Variants in ATP2B2 observed in about 807,000 individuals in gnomAD.
The protein encoded by ATP2B2 is ATPase plasma membrane Ca2+ transporting 2.
A neutral mutation model predicts 120.0 loss-of-function variants in ATP2B2; 15 were observed. That is an observed-to-expected ratio of 0.12 (90% confidence interval 0.08 to 0.19). The LOEUF is 0.19. Among genes scored for constraint, ATP2B2 ranks in the 10% least tolerant of loss-of-function variants. ATP2B2 has a pLI of 1.00. For missense variants in ATP2B2, 1,045 were observed against 1,719.8 expected, an observed-to-expected ratio of 0.61 and a Z score of 6.94; for synonymous variants, 694 against 700.3, an observed-to-expected ratio of 0.99 and a Z score of 0.14.
intron 1 of ATP2B2, among the ~76,000 whole-genome samples, chr3:10,620,955 C>A (rs566733413): frequency 1.6e-4 from 24 of 152,282 alleles, no homozygotes; most frequent in African/African-American, 5.8e-4. Context: ...AGGGTTCACA[C>A]CCTCAGCCCC....
Position 10,328,791 on chromosome 3 carries a change from C to T in ATP2B2, c.*23G>A, listed in dbSNP as rs754672144. 1.6e-5 allele frequency: 25 copies of T among 1,584,236 alleles called. No individual in the cohort carries two copies. Among genetic ancestry groups the T allele is most frequent in the Middle Eastern group, 1.7e-4 (1 of 5,960 alleles). ...TGGCAGCGGGGTCCATGAGGGCGGG[C>T]GGGCAGGCGAGAGGGTCCTCAGCTA... On this transcript the variant is annotated 3_prime_UTR_variant, in exon 23 of 23. Transcript: ENST00000360273.
chr3:10,506,178 C>T (rs1465891887), upstream of ATP2B2, among the ~76,000 whole-genome samples: 4 of 152,144 alleles, frequency 2.6e-5, no homozygotes, highest in Admixed American at 2.6e-4. Flanking sequence ...TTAAACACAT[C>T]TGTGTTTCCA....
chr3:10,487,581 A>G (rs1007784428), intron 1 of ATP2B2, among the ~76,000 whole-genome samples: 2 of 152,238 alleles, frequency 1.3e-5, no homozygotes, highest in Non-Finnish European at 2.9e-5. Flanking sequence ...TGTGTCCTAC[A>G]GGCAGGGACT....
At chr3:10,380,095 G>C (rs2061491144) in intron 8 of ATP2B2, among the ~76,000 whole-genome samples, 1 of 152,210 alleles carries the variant, frequency 6.6e-6, no homozygotes, top group East Asian at 1.9e-4. Context: ...ACAGCAGCAG[G>C]CTAAGTAGTG....
At chr3:10,525,674 G>GA (rs1256005494) in intron 3 of ATP2B2, among the ~76,000 whole-genome samples, 1 of 151,804 alleles carries the variant, frequency 6.6e-6, no homozygotes, top group East Asian at 1.9e-4. Context: ...ATATTATTTG[G>GA]AAAAAATAAA....
At chr3:10,528,269 C>T (rs958059726) in intron 3 of ATP2B2, among the ~76,000 whole-genome samples, 4 of 152,106 alleles carry the variant, frequency 2.6e-5, no homozygotes, top group African/African-American at 7.2e-5. Flanking sequence ...GCATCTGGCC[C>T]AACCCAAGGA....
intron 1 of ATP2B2, among the ~76,000 whole-genome samples, chr3:10,684,896 G>A (rs572551540): frequency 3.9e-4 from 60 of 152,320 alleles, no homozygotes; most frequent in African/African-American, 1.3e-3. Context: ...CTCTGCTGTC[G>A]TTAAGTTCAT....
chr3:10,551,452 G>C (rs1207222149), intron 2 of ATP2B2, among the ~76,000 whole-genome samples: 1 of 152,192 alleles, frequency 6.6e-6, no homozygotes, highest in African/African-American at 2.4e-5. Flanking sequence ...CTACTTGCAA[G>C]ATACAATCCC....
intron 2 of ATP2B2, among the ~76,000 whole-genome samples, chr3:10,547,528 A>C (rs1190189892): frequency 6.6e-6 from 1 of 152,206 alleles, no homozygotes; most frequent in Non-Finnish European, 1.5e-5. Flanking sequence ...CTCCCGCTCC[A>C]TAAGACACAG....
At chr3:10,559,027 T>C (rs927500485) in intron 2 of ATP2B2, among the ~76,000 whole-genome samples, 8 of 152,230 alleles carry the variant, frequency 5.3e-5, no homozygotes, top group African/African-American at 1.9e-4. Flanking sequence ...CTAATTTGTT[T>C]TCCAACATTT....
chr3:10,637,137 A>G (rs2125646311), intron 1 of ATP2B2, among the ~76,000 whole-genome samples: 1 of 152,336 alleles, frequency 6.6e-6, no homozygotes, highest in East Asian at 1.9e-4. Context: ...TCTAACAAGT[A>G]TTAAAAACAA....
At chr3:10,566,101 C>T (rs560325078) in intron 2 of ATP2B2, among the ~76,000 whole-genome samples, 61 of 152,278 alleles carry the variant, frequency 4.0e-4, no homozygotes, top group Middle Eastern at 3.4e-3. Context: ...GATTTCTCCA[C>T]CCACCCTCCA....
chr3:10,612,319 C>T (rs183981609), intron 2 of ATP2B2, among the ~76,000 whole-genome samples: 342 of 152,336 alleles, frequency 2.2e-3, no homozygotes, highest in Non-Finnish European at 1.7e-3. Context: ...CAACTCAGCT[C>T]AAGATTACTG....
In ATP2B2 at chr3:10,359,481, A is replaced by C. The variant is rs189435016; in HGVS notation, c.1901+401T>G. Among the ~76,000 whole-genome samples the C allele has an allele frequency of 1.3e-5, 2 of 152,044 alleles. 1 individual carries two copies. Among genetic ancestry groups the C allele is most frequent in the Non-Finnish European group, 2.9e-5 (2 of 67,972 alleles). Reference sequence around the variant, plus strand: ...TTAGTTCACCAGGCTTATTTCCAGCACTCCTCTGGAGTCAGAGGAGTGTGG... The same window carrying C: ...TTAGTTCACCAGGCTTATTTCCAGCCCTCCTCTGGAGTCAGAGGAGTGTGG... On this transcript the variant is annotated intron_variant, in intron 13 of 22. Coordinates refer to ENST00000360273, the MANE Select transcript of ATP2B2 (RefSeq NM_001001331.4).
intron 2 of ATP2B2, among the ~76,000 whole-genome samples, chr3:10,571,560 T>C (rs1200276367): frequency 5.9e-5 from 9 of 151,862 alleles, no homozygotes; most frequent in Admixed American, 5.2e-4. Context: ...CTGGCAAGAG[T>C]TGGGGGCCTA....
At chr3:10,478,031 G>A (rs943254113) in intron 1 of ATP2B2, among the ~76,000 whole-genome samples, 2 of 152,234 alleles carry the variant, frequency 1.3e-5, no homozygotes, top group East Asian at 1.9e-4. Context: ...ATTTCCCCAC[G>A]TTCTGGCCAA....
At chr3:10,441,332 C>G (rs561210503) in intron 2 of ATP2B2, among the ~76,000 whole-genome samples, 28 of 152,270 alleles carry the variant, frequency 1.8e-4, no homozygotes, top group Admixed American at 3.3e-4. Context: ...CTCTGCCTCC[C>G]GGGTTCAAGT....
At chr3:10,334,395 G>T (rs59097841) in intron 22 of ATP2B2, among the ~76,000 whole-genome samples, 2 of 152,176 alleles carry the variant, frequency 1.3e-5, no homozygotes, top group African/African-American at 4.8e-5. Context: ...CAGGATAGGT[G>T]GGGGTGCTGA....
At position 10,406,059 on chromosome 3, in the gene ATP2B2, C is replaced by T. The variant is rs35166720; in HGVS notation, c.398-3711G>A. Among the ~76,000 whole-genome samples the T allele has an allele frequency of 5.6e-3, 856 of 152,280 alleles. 5 individuals carry two copies. The highest frequency in any genetic ancestry group is 1.0e-2 in the Non-Finnish European group (678 of 68,008). On this transcript the variant is annotated intron_variant, in intron 3 of 22. Transcript: ENST00000360273. ...AACAGGCTGCAGAGTTCTGCAGCAC[C>T]CATAGCCCTGCCCCAACTGCTTTCT...
Sources: gnomAD v4.1 joint callset for allele counts (sites outside exome capture counted in the v4.1 genomes callset) on GRCh38, gnomAD v4.1.1 for gene constraint, MANE v1.5 for transcripts, NCBI Gene and HGNC (gene_info 2026-07-23, HGNC 2026-07-21) for gene names.